The following DNAH8 variants were observed in gnomAD, a reference collection of about 807,000 sequenced individuals.
DNAH8 encodes dynein axonemal heavy chain 8.
DNAH8 carries 382 observed loss-of-function variants against 562.1 expected under a neutral mutation model. That is an observed-to-expected ratio of 0.68 (90% CI 0.63 to 0.74). DNAH8 has a LOEUF of 0.74. DNAH8 is among the 30% of genes least tolerant of loss of function. The probability of loss-of-function intolerance (pLI) is 0.00; values close to 1 mark genes in which losing one functional copy is unlikely to be tolerated. For synonymous variants in DNAH8, 1,881 were observed against 1,919.4 expected (o/e 0.98, Z 0.52); for missense variants, 5,203 against 5,620.4 (o/e 0.93, Z 2.37).
At chr6:38,782,127 C>CA (rs967988697) in intron 16 of DNAH8, among the ~76,000 whole-genome samples, 3 of 150,796 alleles carry the variant, frequency 2.0e-5, no homozygotes, top group African/African-American at 7.3e-5. Context: ...TTCTGAATAT[C>CA]AAAAAAAAAT....
chr6:38,949,504 A>G lies in DNAH8; in HGVS notation c.12182A>G (p.Glu4061Gly), dbSNP rs1409322788. Reference protein sequence around the residue: ...WKSWFDKDAPEEEIIPDGYND... With the variant: ...WKSWFDKDAPGEEIIPDGYND... ...AGCTGGTTTGATAAAGATGCTCCAGAGGAGGAAATTATCCCTGATGGATAT... is the reference window on the plus strand; with the variant it reads ...AGCTGGTTTGATAAAGATGCTCCAGGGGAGGAAATTATCCCTGATGGATAT... Residue 4061 changes from glutamate to glycine, a missense_variant, in exon 81 of 93, where the codon GAG becomes GGG. Around this residue, in one of 6 missense-constraint regions of DNAH8, gnomAD observed 1,399 missense variants for 1,518.4 expected, o/e 0.92. Coordinates refer to ENST00000327475, the MANE Select transcript of DNAH8 (RefSeq NM_001206927.2). 6.2e-7 allele frequency: 1 copy of G among 1,613,698 alleles called. No individual in the cohort carries two copies. The highest frequency in any genetic ancestry group is 8.5e-7 in the Non-Finnish European group (1 of 1,179,640).
chr6:39,007,896 A>T lies in DNAH8; in HGVS notation c.13215-918A>T, dbSNP rs562762240. Among the ~76,000 whole-genome samples, 123 of 151,606 alleles carry T rather than the reference A, an allele frequency of 8.1e-4. 1 individual carries two copies. Among genetic ancestry groups the T allele is most frequent in the African/African-American group, 2.7e-3 (112 of 41,322 alleles). ...TTCTAGTGTAAATTACCTCTGGCAC[A>T]CAAACACATACACACACACAGGCAC... On this transcript the variant is annotated intron_variant, in intron 88 of 92. Transcript: ENST00000327475.
At chr6:38,927,582 G>A (rs6933965) in intron 74 of DNAH8, among the ~76,000 whole-genome samples, 100,487 of 151,982 alleles carry the variant, frequency 0.66, 33,741 homozygotes, top group African/African-American at 0.77. Flanking sequence ...GAACACTTCT[G>A]TTCTTAGTTT....
chr6:38,762,443 T>C (rs1048437022), intron 11 of DNAH8, among the ~76,000 whole-genome samples: 3 of 152,218 alleles, frequency 2.0e-5, no homozygotes, highest in Non-Finnish European at 4.4e-5. Flanking sequence ...GGTGTAATTA[T>C]CTTTTTAAAA....
chr6:38,872,516 T>C lies in DNAH8; in HGVS notation c.6991-20T>C, dbSNP rs370317194. 77 of 1,602,720 alleles carry C rather than the reference T, an allele frequency of 4.8e-5. No homozygotes were observed. In the East Asian group the frequency reaches 1.3e-3, roughly 27 times the overall value. On this transcript the variant is annotated intron_variant, in intron 49 of 92. Coordinates refer to ENST00000327475, the MANE Select transcript of DNAH8 (RefSeq NM_001206927.2). ...GAGACTCATAAATTACATATTTTAA[T>C]TTACTGGTTAATTGTGTAGTTATAT... is the stretch of plus-strand genomic sequence containing the variant.
At chr6:38,947,689 G>A (rs951589345) in intron 80 of DNAH8, among the ~76,000 whole-genome samples, 13 of 152,122 alleles carry the variant, frequency 8.5e-5, no homozygotes, top group African/African-American at 2.9e-4. Flanking sequence ...GCCAACCAGA[G>A]AGAGCTGCTG....
chr6:38,744,969 C>T (rs551308453), intron 8 of DNAH8, among the ~76,000 whole-genome samples: 2 of 152,248 alleles, frequency 1.3e-5, no homozygotes, highest in African/African-American at 2.4e-5. Context: ...TTCACTATGA[C>T]TCCTGGGCAT....
At chr6:38,911,608 G>A (rs1370612301) in intron 66 of DNAH8, 22 bp downstream of exon 66, 1 of 1,465,236 alleles carries the variant, frequency 6.8e-7, no homozygotes, top group Non-Finnish European at 9.6e-7. Context: ...GGAATGGAAT[G>A]GGATGGAATA....
intron 27 of DNAH8, among the ~76,000 whole-genome samples, chr6:38,823,327 T>C (rs1370780813): frequency 6.6e-6 from 1 of 152,202 alleles, no homozygotes; most frequent in Non-Finnish European, 1.5e-5. Context: ...CACACTTATG[T>C]AGACCCAGCT....
intron 84 of DNAH8, 139 bp from the exon 85 acceptor site, chr6:38,974,235 A>G (rs1763530784): frequency 1.5e-6 from 1 of 674,818 alleles, no homozygotes; most frequent in Non-Finnish European, 2.4e-6. Flanking sequence ...TTTAATGCTA[A>G]TATTCCAAAA....
intron 41 of DNAH8, among the ~76,000 whole-genome samples, chr6:38,854,385 A>G (rs1776017188): frequency 6.6e-6 from 1 of 152,168 alleles, no homozygotes; most frequent in African/African-American, 2.4e-5. Flanking sequence ...TTTTGCCCAA[A>G]TGGTATTTCT....
intron 1 of DNAH8, among the ~76,000 whole-genome samples, chr6:38,720,802 A>T (rs1354647275): frequency 6.6e-6 from 1 of 152,156 alleles, no homozygotes. Context: ...CTCACCAAGA[A>T]TTCAAAATAG....
chr6:38,745,335 C>A (rs189963052), intron 8 of DNAH8, among the ~76,000 whole-genome samples: 1 of 152,304 alleles, frequency 6.6e-6, no homozygotes, highest in Non-Finnish European at 1.5e-5. Flanking sequence ...CAATAAAAGG[C>A]TAATGCATTA....
rs574014631 is a variant in DNAH8 at position 38,776,750 on chromosome 6, G to A, written c.1962+799G>A. ...TGTCATAGATTAAGAGACACCAGAT[G>A]GATGAAGGGTAGTCAGAAAGTATGT... On this transcript the variant is annotated intron_variant, in intron 13 of 92. Transcript: ENST00000327475. Among the ~76,000 whole-genome samples, 12 of 152,272 alleles carry A rather than the reference G, an allele frequency of 7.9e-5. No homozygotes were observed. In the South Asian group the frequency reaches 2.3e-3, roughly 29 times the overall value.
At chr6:38,807,564 T>A in intron 23 of DNAH8, 46 bp from the exon 24 acceptor site, 1 of 1,116,508 alleles carries the variant, frequency 9.0e-7, no homozygotes, top group Non-Finnish European at 1.2e-6. Context: ...ATGCTCTAGG[T>A]TTTTTGGAGG....
intron 56 of DNAH8, among the ~76,000 whole-genome samples, chr6:38,884,422 T>C (rs933463773): frequency 3.3e-5 from 5 of 152,144 alleles, no homozygotes; most frequent in African/African-American, 1.2e-4. Context: ...GCCACCTGAG[T>C]AGCTGGGATA....
intron 91 of DNAH8, 151 bp downstream of exon 91, chr6:39,012,788 A>G: frequency 1.6e-6 from 1 of 622,386 alleles, no homozygotes; most frequent in South Asian, 2.3e-5. Flanking sequence ...AACACAAATA[A>G]TTCTTCTGTA....
At chr6:38,914,392 CTTTTTTT>C (rs66765653) in intron 67 of DNAH8, among the ~76,000 whole-genome samples, 11 of 63,984 alleles carry the variant, frequency 1.7e-4, no homozygotes, top group African/African-American at 4.1e-4. Context: ...TGCTTTTTCT[CTTTTTTT>C]TTTTTTTTTT....
rs1216533300 is a variant in DNAH8, at chr6:38,901,845, A to G, written c.9194+1939A>G. 5.3e-5 allele frequency among the ~76,000 whole-genome samples: 8 copies of G among 152,378 alleles called. No individual in the cohort carries two copies. The East Asian group carries it at 1.5e-3, about 29-fold the overall frequency. On this transcript the variant is annotated intron_variant, in intron 62 of 92. Transcript: ENST00000327475. ...AATTTAATTTTACTTCAAAAAATTA[A>G]ATTAGTTGTCAGCATTTAAAAATCG...
Sources: gnomAD v4.1 joint callset for allele counts (sites outside exome capture counted in the v4.1 genomes callset) on GRCh38, gnomAD v4.1.1 for gene constraint, gnomAD v4.1.1 regional missense constraint, MANE v1.5 for transcripts, NCBI Gene and HGNC (gene_info 2026-07-23, HGNC 2026-07-21) for gene names.